Variants in ATIC observed in about 807,000 individuals in gnomAD.
ATIC encodes 5-aminoimidazole-4-carboxamide ribonucleotide formyltransferase/IMP cyclohydrolase.
A neutral mutation model predicts 72.5 loss-of-function variants in ATIC; 64 were observed. The ratio of observed to expected loss-of-function variants is 0.88; its 90% CI spans 0.72 to 1.09. The LOEUF is 1.09. Ranked by LOEUF, ATIC falls within the 50% of genes least tolerant of loss-of-function variation. The pLI is 0.00. For synonymous variants in ATIC, 281 were observed against 267.1 expected, an observed-to-expected ratio of 1.05 and a Z score of -0.51; for missense variants, 787 against 732.4, an observed-to-expected ratio of 1.07 and a Z score of -0.86.
Position 215,312,181 on chromosome 2 carries a change from G to A in ATIC, c.19+20G>A, listed in dbSNP as rs1236538116. On this transcript the variant is annotated intron_variant, in intron 1 of 15. Coordinates refer to ENST00000236959, the MANE Select transcript of ATIC (RefSeq NM_004044.7). ...AGCTCGGTGAGGCCCTAGCGGAGCG[G>A]CGCGGTCTGCGTCCTCGCCTGCGGC... The A allele has an allele frequency of 6.7e-7, 1 of 1,500,868 alleles. No homozygotes were observed. The highest frequency in any genetic ancestry group is 8.8e-7 in the Non-Finnish European group (1 of 1,132,860). 93.0% of individuals were successfully genotyped at this position (1,500,868 alleles called of 1,614,324 possible). A position where few individuals can be genotyped will look rare whatever the true frequency, so the allele number is the denominator to read the frequency against.
the ATIC span, chr2:215,361,930 T>C: frequency 6.2e-7 from 1 of 1,609,410 alleles, no homozygotes; most frequent in Non-Finnish European, 8.5e-7. Flanking sequence ...AGAGACTGTC[T>C]AGTATGAGGG....
At chr2:215,314,004 C>T (rs749852915) in intron 2 of ATIC, among the ~76,000 whole-genome samples, 1 of 151,962 alleles carries the variant, frequency 6.6e-6, no homozygotes, top group Non-Finnish European at 1.5e-5. Context: ...TTTTTCCCCA[C>T]CAAACTTTGT....
At chr2:215,329,438 C>T (rs905893804) in intron 7 of ATIC, among the ~76,000 whole-genome samples, 1 of 152,164 alleles carries the variant, frequency 6.6e-6, no homozygotes, top group Non-Finnish European at 1.5e-5. Flanking sequence ...GCGAGATTCC[C>T]AGGATTTCTC....
chr2:215,339,694 G>C (rs1413447518), intron 12 of ATIC, among the ~76,000 whole-genome samples: 3 of 151,896 alleles, frequency 2.0e-5, no homozygotes, highest in African/African-American at 7.3e-5. Flanking sequence ...GAGTGCAGTG[G>C]TGCGATCTCG....
chr2:215,346,889 G>C lies in ATIC; in HGVS notation c.1451G>C (p.Arg484Thr). ...ATGAAGTTTAAAACAGGAGTGAAGA[G>C]AGCAGAAATCTCCAATGCCATCGAT... ...LSMKFKTGVKRAEISNAIDQY... is the reference protein window; with the variant it reads ...LSMKFKTGVKTAEISNAIDQY... Residue 484 changes from arginine to threonine, a missense_variant, in exon 14 of 16, where the codon AGA (arginine) becomes ACA (threonine). Arg to Thr is a moderately conservative substitution (Grantham distance 71). Transcript: ENST00000236959. 4 of 1,614,208 alleles carry C rather than the reference G, an allele frequency of 2.5e-6. No homozygotes were observed. The South Asian group carries it at 4.4e-5, about 18-fold the overall frequency.
chr2:215,342,055 C>T (rs2053025131), intron 12 of ATIC, among the ~76,000 whole-genome samples: 2 of 152,100 alleles, frequency 1.3e-5, no homozygotes, highest in African/African-American at 4.8e-5. Context: ...ATGAGAACTA[C>T]ATGGGGGAAA....
chr2:215,315,935 A>G (rs2052703848), intron 2 of ATIC, among the ~76,000 whole-genome samples: 1 of 151,658 alleles, frequency 6.6e-6, no homozygotes, highest in African/African-American at 2.4e-5. Flanking sequence ...AGCCTGGATG[A>G]CAGAGAGAAA....
At chr2:215,354,727 A>T (rs1263510620), downstream of ATIC, among the ~76,000 whole-genome samples, 3 of 150,342 alleles carry the variant, frequency 2.0e-5, no homozygotes, top group African/African-American at 4.9e-5. Flanking sequence ...AATTGTTGGT[A>T]TCATCTTTCT....
chr2:215,365,073 A>G, the ATIC span: 1 of 830,498 alleles, frequency 1.2e-6, no homozygotes. Context: ...TCTGTCCTAA[A>G]TTTGTATCAT....
Position 215,320,588 on chromosome 2 carries a change from A to ATTTTTTTTTTTTTTTTTTTTTTT in ATIC, c.290+861_290+862insTTTTTTTTTTTTTTTTTTTTTTT, listed in dbSNP as rs1559267639. 2.6e-5 allele frequency among the ~76,000 whole-genome samples: 4 copies of ATTTTTTTTTTTTTTTTTTTTTTT among 151,642 alleles called. No individual in the cohort carries two copies. In the East Asian group the frequency reaches 5.8e-4, roughly 22 times the overall value. ...TAACTTTTATTCTTAATTTAATTTA[A>ATTTTTTTTTTTTTTTTTTTTTTT]TTTTATTTTGAGACAGGGTCTCGCT... On this transcript the variant is annotated intron_variant, in intron 4 of 15. Coordinates refer to ENST00000236959, the MANE Select transcript of ATIC (RefSeq NM_004044.7).
Position 215,312,162 on chromosome 2 carries a change from G to A in ATIC, c.19+1G>A, listed in dbSNP as rs2052658611. The A allele has an allele frequency of 6.6e-7, 1 of 1,520,468 alleles. No homozygotes were observed. Among genetic ancestry groups the A allele is most frequent in the Non-Finnish European group, 8.8e-7 (1 of 1,141,254 alleles). 94.2% of individuals were successfully genotyped at this position (1,520,468 alleles called of 1,614,324 possible). A position where few individuals can be genotyped will look rare whatever the true frequency, so the allele number is the denominator to read the frequency against. ...GCAGCCATGGCTCCCGGCCAGCTCG[G>A]TGAGGCCCTAGCGGAGCGGCGCGGT... On this transcript the variant is annotated splice_donor_variant, in intron 1 of 15. Transcript: ENST00000236959. LOFTEE classifies it high-confidence loss of function.
downstream of ATIC, among the ~76,000 whole-genome samples, chr2:215,351,258 C>T (rs1324449122): frequency 6.6e-6 from 1 of 152,196 alleles, no homozygotes; most frequent in African/African-American, 2.4e-5. Flanking sequence ...TGGCTTCAAC[C>T]TCTTCAGAGA....
intron 2 of ATIC, among the ~76,000 whole-genome samples, chr2:215,316,943 G>A (rs187627387): frequency 6.6e-6 from 1 of 152,236 alleles, no homozygotes; most frequent in African/African-American, 2.4e-5. Flanking sequence ...TGTATTTTTA[G>A]TAGAGGCGGG....
chr2:215,343,486 G>A (rs921250948), intron 12 of ATIC, among the ~76,000 whole-genome samples: 3 of 151,996 alleles, frequency 2.0e-5, no homozygotes, highest in Admixed American at 6.6e-5. Flanking sequence ...ACAGGAATGC[G>A]CCACCACACC....
chr2:215,356,604 G>C, the ATIC span, among the ~76,000 whole-genome samples: 1 of 152,086 alleles, frequency 6.6e-6, no homozygotes, highest in Admixed American at 6.5e-5. Flanking sequence ...AGCCATCACT[G>C]TCCATTTCCC....
At chr2:215,321,003 C>T (rs1293488313) in intron 4 of ATIC, among the ~76,000 whole-genome samples, 1 of 152,214 alleles carries the variant, frequency 6.6e-6, no homozygotes, top group Non-Finnish European at 1.5e-5. Flanking sequence ...CAGGCCCCAC[C>T]TCCAACATTG....
intron 12 of ATIC, among the ~76,000 whole-genome samples, chr2:215,341,328 GA>G (rs1487900941): frequency 1.3e-5 from 2 of 152,138 alleles, no homozygotes; most frequent in Non-Finnish European, 2.9e-5. Flanking sequence ...ACCATGTTGA[GA>G]ATTGTGCCTA....
intron 6 of ATIC, among the ~76,000 whole-genome samples, chr2:215,326,375 C>A (rs527514428): frequency 6.6e-6 from 1 of 152,148 alleles, no homozygotes; most frequent in Non-Finnish European, 1.5e-5. Flanking sequence ...GAGGCCGAGG[C>A]GGGCGGATCA....
At chr2:215,342,882 G>A in intron 12 of ATIC, among the ~76,000 whole-genome samples, 1 of 152,210 alleles carries the variant, frequency 6.6e-6, no homozygotes, top group East Asian at 1.9e-4. Flanking sequence ...GTTTCACCAT[G>A]TTGGTCAGGC....
Sources: allele counts gnomAD v4.1 joint callset (sites outside exome capture counted in the v4.1 genomes callset), GRCh38; gene constraint gnomAD v4.1.1; transcripts MANE v1.5; gene names NCBI Gene and HGNC (gene_info 2026-07-23, HGNC 2026-07-21).